Variants in GARNL3 observed in about 807,000 individuals in gnomAD.
The protein encoded by GARNL3 is GTPase-activating Rap/Ran-GAP domain-like protein 3.
In GARNL3, 63 loss-of-function variants were observed where a neutral mutation model predicts 125.0. That is an observed-to-expected ratio of 0.50 (90% confidence interval 0.41 to 0.62). The LOEUF (loss-of-function observed/expected upper bound fraction) is 0.62. GARNL3 is among the 20% of genes least tolerant of loss of function. The pLI is 0.00. For synonymous variants in GARNL3, 439 were observed against 457.5 expected (o/e 0.96, Z 0.52); for missense variants, 994 against 1,244.0 (o/e 0.80, Z 3.02).
chr9:127,262,172 G>A (rs2131253368), upstream of GARNL3, among the ~76,000 whole-genome samples: 1 of 152,324 alleles, frequency 6.6e-6, no homozygotes, highest in South Asian at 2.1e-4. Context: ...CCCACTGCAA[G>A]ATACCTACTT....
At chr9:127,329,407 C>T (rs1291266097) in intron 7 of GARNL3, among the ~76,000 whole-genome samples, 1 of 152,184 alleles carries the variant, frequency 6.6e-6, no homozygotes, top group East Asian at 1.9e-4. Context: ...ATCCTACACC[C>T]TTGGGTGCAC....
chr9:127,276,493 C>T (rs896986244), intron 1 of GARNL3, among the ~76,000 whole-genome samples: 2 of 152,006 alleles, frequency 1.3e-5, no homozygotes, highest in African/African-American at 4.8e-5. Context: ...GTAATCTTTC[C>T]CTGTCTTAAA....
intron 25 of GARNL3, among the ~76,000 whole-genome samples, chr9:127,387,808 T>G (rs1454710977): frequency 6.6e-6 from 1 of 150,434 alleles, no homozygotes; most frequent in South Asian, 2.1e-4. Context: ...TTAAGAAACC[T>G]GGTGATAACA....
chr9:127,291,127 C>T, intron 1 of GARNL3, 41 bp from the exon 2 acceptor site: 1 of 1,579,308 alleles, frequency 6.3e-7, no homozygotes, highest in Non-Finnish European at 8.7e-7. Flanking sequence ...ATAGAAGAGA[C>T]ATTGTAAATG....
At chr9:127,256,562 C>T (rs2063498749) in intron 2 of GARNL3, among the ~76,000 whole-genome samples, 1 of 152,190 alleles carries the variant, frequency 6.6e-6, no homozygotes, top group Non-Finnish European at 1.5e-5. Context: ...GCAGGGACCG[C>T]ATATCTCAGG....
chr9:127,271,081 G>A (rs975456551), intron 1 of GARNL3, among the ~76,000 whole-genome samples: 1 of 150,134 alleles, frequency 6.7e-6, no homozygotes, highest in African/African-American at 2.5e-5. Flanking sequence ...CTCTGGAGAT[G>A]ATATAGACAA....
chr9:127,383,392 A>G, intron 22 of GARNL3, 46 bp from the exon 23 acceptor site: 1 of 1,175,236 alleles, frequency 8.5e-7, no homozygotes, highest in Non-Finnish European at 1.3e-6. Flanking sequence ...ACAGTCATCT[A>G]AGTGTTGTCT....
Position 127,389,011 on chromosome 9 carries a change from C to T in GARNL3, c.2635C>T (p.Pro879Ser). Residue 879 changes from proline to serine, a missense_variant, in exon 26 of 28, where the codon CCC becomes TCC. By Grantham distance (74) the Pro-to-Ser change is moderately conservative (BLOSUM62 -1). Coordinates refer to ENST00000373387, the MANE Select transcript of GARNL3 (RefSeq NM_032293.5). Reference sequence around the variant, plus strand: ...CTTAGTCTCCAAGGTCATCACCCCACCCACTCCCATCAGTGTGGGCCTTGC... The same window carrying T: ...CTTAGTCTCCAAGGTCATCACCCCATCCACTCCCATCAGTGTGGGCCTTGC... ...SPLVSKVITP[P>S]TPISVGLAAI... The T allele has an allele frequency of 6.2e-7, 1 of 1,613,744 alleles. No homozygotes were observed. Among genetic ancestry groups the T allele is most frequent in the Non-Finnish European group, 8.5e-7 (1 of 1,179,610 alleles).
chr9:127,266,984 A>G lies in GARNL3; in HGVS notation c.144+1963A>G, dbSNP rs746824595. The stretch of plus-strand genomic sequence containing the variant: ...CTCTGGAAGGCTGATTAAAACATAG[A>G]TTGCTGGGCCCTAGTCCCAGAGTTT... On this transcript the variant is annotated intron_variant, in intron 1 of 27. Transcript: ENST00000373387. This position sits in a 1 kb window ranked among gnomAD's most constrained non-coding sequence, Gnocchi z 4.0. 1.2e-4 allele frequency among the ~76,000 whole-genome samples: 18 copies of G among 152,178 alleles called. No individual in the cohort carries two copies. Among genetic ancestry groups the G allele is most frequent in the Non-Finnish European group, 2.6e-4 (18 of 68,028 alleles).
intron 1 of GARNL3, among the ~76,000 whole-genome samples, chr9:127,265,478 A>T (rs1234953716): frequency 6.6e-6 from 1 of 152,154 alleles, no homozygotes; most frequent in Non-Finnish European, 1.5e-5. Context: ...CATTAAAAGC[A>T]TATTGGTTGG....
chr9:127,391,693 C>G (rs534575003), intron 27 of GARNL3, among the ~76,000 whole-genome samples: 1 of 138,156 alleles, frequency 7.2e-6, no homozygotes, highest in East Asian at 2.3e-4. Flanking sequence ...AGAGCAAGAC[C>G]CCGTGTCAAA....
At chr9:127,282,656 T>C (rs919450705) in intron 1 of GARNL3, among the ~76,000 whole-genome samples, 4 of 152,206 alleles carry the variant, frequency 2.6e-5, no homozygotes, top group African/African-American at 9.7e-5. Context: ...GGATGTACTT[T>C]ACATAATCTT....
intron 2 of GARNL3, chr9:127,300,254 C>CT: frequency 3.7e-6 from 1 of 273,268 alleles, no homozygotes; most frequent in Non-Finnish European, 7.6e-6. Context: ...AATCTTTGTG[C>CT]TTTTTTAAGA....
intron 2 of GARNL3, among the ~76,000 whole-genome samples, chr9:127,306,502 C>T (rs1352658448): frequency 6.6e-6 from 1 of 151,912 alleles, no homozygotes; most frequent in Non-Finnish European, 1.5e-5. Flanking sequence ...CCGAGGCGGG[C>T]GGATCACGAG....
At chr9:127,250,571 A>C (rs1304174005) in intron 2 of GARNL3, among the ~76,000 whole-genome samples, 4 of 152,196 alleles carry the variant, frequency 2.6e-5, no homozygotes, top group Non-Finnish European at 5.9e-5. Context: ...CCATGGAACC[A>C]TGTTCAGTAT....
chr9:127,264,084 T>G, upstream of GARNL3: 1 of 862,268 alleles, frequency 1.2e-6, no homozygotes, highest in South Asian at 1.7e-5. Flanking sequence ...TTTTATTTTC[T>G]ATGTTATCGT....
intron 2 of GARNL3, among the ~76,000 whole-genome samples, chr9:127,293,176 G>C (rs1461146210): frequency 6.6e-6 from 1 of 152,128 alleles, no homozygotes; most frequent in Non-Finnish European, 1.5e-5. Flanking sequence ...TTGACTTCCA[G>C]AGGGAAAAAA....
intron 17 of GARNL3, among the ~76,000 whole-genome samples, chr9:127,351,566 C>A (rs1830428215): frequency 6.6e-6 from 1 of 151,650 alleles, no homozygotes; most frequent in African/African-American, 2.4e-5. Context: ...GTTTACCTTT[C>A]TCTTGTCTAC....
Position 127,230,294 on chromosome 9 carries a change from T to A in GARNL3, c.-29+5956T>A, listed in dbSNP as rs1409823462. The stretch of plus-strand genomic sequence containing the variant: ...GTATTGCTGTCAGCTTTAAATGAAC[T>A]AATTAATGCAAAGTGCTAAAAACAG... On this transcript the variant is annotated intron_variant, in intron 1 of 10. Coordinates refer to the GARNL3 transcript ENST00000439286. Among the ~76,000 whole-genome samples, 5 of 152,188 alleles carry A rather than the reference T, an allele frequency of 3.3e-5. No homozygotes were observed. In the East Asian group the frequency reaches 9.6e-4, roughly 29 times the overall value.
Sources: gnomAD v4.1 joint callset for allele counts (sites outside exome capture counted in the v4.1 genomes callset) on GRCh38, gnomAD v4.1.1 for gene constraint, Gnocchi (gnomAD v3.1) non-coding constraint, MANE v1.5 for transcripts, NCBI Gene and HGNC (gene_info 2026-07-23, HGNC 2026-07-21) for gene names.